MAGI2: variants seen among roughly 807,000 people sequenced by gnomAD.
The protein encoded by MAGI2 is membrane associated guanylate kinase, WW and PDZ domain containing 2, also known as membrane-associated guanylate kinase, WW and PDZ domain-containing protein 2.
MAGI2 carries 35 observed loss-of-function variants against 133.3 expected under a neutral mutation model. The ratio of observed to expected loss-of-function variants is 0.26; its 90% CI spans 0.20 to 0.35. The LOEUF is 0.35. MAGI2 is among the 10% of genes least tolerant of loss of function. The pLI, the probability that MAGI2 is intolerant of heterozygous loss-of-function variation, is 1.00. For missense variants in MAGI2, 1,636 were observed against 1,863.4 expected (o/e 0.88, Z 2.25); for synonymous variants, 729 against 710.6 (o/e 1.03, Z -0.41).
intron 9 of MAGI2, among the ~76,000 whole-genome samples, chr7:78,269,733 T>A (rs1038846135): frequency 6.6e-6 from 1 of 152,210 alleles, no homozygotes; most frequent in African/African-American, 2.4e-5. Context: ...CTGTTCACCC[T>A]GATGATAGTT....
At chr7:78,185,540 T>C (rs938073832) in intron 13 of MAGI2, 89 bp downstream of exon 13, 17 of 1,050,214 alleles carry the variant, frequency 1.6e-5, no homozygotes, top group Non-Finnish European at 2.1e-5. Context: ...GATTATATAC[T>C]AGGAAACTGA....
chr7:78,220,980 C>T (rs1388791042), intron 10 of MAGI2, among the ~76,000 whole-genome samples: 2 of 152,066 alleles, frequency 1.3e-5, no homozygotes, highest in African/African-American at 4.8e-5. Flanking sequence ...TGTGTTTACC[C>T]CTCCCACCTC....
chr7:78,842,315 C>T (rs1462014551), intron 2 of MAGI2, among the ~76,000 whole-genome samples: 1 of 151,916 alleles, frequency 6.6e-6, no homozygotes, highest in African/African-American at 2.4e-5. Context: ...AAGCCAAGTC[C>T]ACTCCTTGAA....
intron 4 of MAGI2, among the ~76,000 whole-genome samples, chr7:78,510,011 T>C (rs1795432068): frequency 6.6e-6 from 1 of 152,214 alleles, no homozygotes; most frequent in African/African-American, 2.4e-5. Context: ...AATCCAATAA[T>C]TTTTTCTCCT....
chr7:78,784,757 T>G (rs1375344136), intron 2 of MAGI2, among the ~76,000 whole-genome samples: 1 of 152,208 alleles, frequency 6.6e-6, no homozygotes, highest in Admixed American at 6.5e-5. Context: ...GATAGTTTTC[T>G]CTGTATATTT....
chr7:78,019,521 C>T lies in MAGI2; in HGVS notation c.4162G>A (p.Ala1388Thr). 2 of 980,454 alleles carry T rather than the reference C, an allele frequency of 2.0e-6. No individual in the cohort carries two copies. Among genetic ancestry groups the T allele is most frequent in the Non-Finnish European group, 2.4e-6 (2 of 828,256 alleles). The allele number at this position is 980,454 out of a possible 1,614,324, so 60.7% of individuals were successfully genotyped here. A position where few individuals can be genotyped will look rare whatever the true frequency, so the allele number is the denominator to read the frequency against. ...CRREGPGAAP[A>T]FAGPGGGGSG... ...CCGCCGCCGCCCGGGCCGGCAAACGCCGGCGCAGCCCCCGGGCCTTCGCGC... is the reference window on the plus strand; with the variant it reads ...CCGCCGCCGCCCGGGCCGGCAAACGTCGGCGCAGCCCCCGGGCCTTCGCGC... The change falls in exon 22 of 22, where the codon GCG becomes ACG. Residue 1388 changes from alanine to threonine, a missense_variant. Coordinates refer to ENST00000354212, the MANE Select transcript of MAGI2 (RefSeq NM_012301.4).
At chr7:78,920,064 T>A (rs1266830326) in intron 2 of MAGI2, among the ~76,000 whole-genome samples, 1 of 152,136 alleles carries the variant, frequency 6.6e-6, no homozygotes, top group Non-Finnish European at 1.5e-5. Context: ...GAACTTCCCA[T>A]CAAATTCAGA....
At chr7:78,168,427 G>C (rs1479414241) in intron 14 of MAGI2, among the ~76,000 whole-genome samples, 1 of 152,134 alleles carries the variant, frequency 6.6e-6, no homozygotes, top group Non-Finnish European at 1.5e-5. Flanking sequence ...TAAATATTTT[G>C]AACATGCTGC....
intron 1 of MAGI2, among the ~76,000 whole-genome samples, chr7:79,380,318 A>C (rs848942): frequency 0.5 from 75,780 of 151,544 alleles, 20,391 homozygotes; most frequent in African/African-American, 0.7. Context: ...TTCTTTTGAT[A>C]ACCGTTTTAC....
chr7:79,146,721 G>C (rs1030411503), intron 1 of MAGI2, among the ~76,000 whole-genome samples: 1 of 152,188 alleles, frequency 6.6e-6, no homozygotes, highest in African/African-American at 2.4e-5. Context: ...TGATTGTGAG[G>C]CCTCCCCATC....
chr7:78,487,063 C>G, intron 6 of MAGI2: 1 of 458,920 alleles, frequency 2.2e-6, no homozygotes, highest in Non-Finnish European at 4.3e-6. Context: ...GGCAGAGGGA[C>G]TTTTGATAGG....
intron 1 of MAGI2, among the ~76,000 whole-genome samples, chr7:79,071,850 T>A (rs541767299): frequency 3.0e-4 from 45 of 152,122 alleles, no homozygotes; most frequent in Admixed American, 5.9e-4. Context: ...CAGACTGCTG[T>A]GCTAGTAGCG....
intron 10 of MAGI2, among the ~76,000 whole-genome samples, chr7:78,237,219 T>A (rs1011091100): frequency 6.6e-6 from 1 of 152,148 alleles, no homozygotes; most frequent in Non-Finnish European, 1.5e-5. Flanking sequence ...ATAAAACAAA[T>A]AGATATATTC....
At chr7:79,359,335 T>A (rs1842224178) in intron 1 of MAGI2, among the ~76,000 whole-genome samples, 1 of 151,952 alleles carries the variant, frequency 6.6e-6, no homozygotes, top group Admixed American at 6.6e-5. Context: ...GAAAAATAGA[T>A]CCTTAGAAAC....
At chr7:78,642,655 T>A (rs925562594) in intron 2 of MAGI2, among the ~76,000 whole-genome samples, 12 of 152,256 alleles carry the variant, frequency 7.9e-5, no homozygotes, top group African/African-American at 2.7e-4. Flanking sequence ...GAAATTTTTT[T>A]ATGTATATAA....
At chr7:79,080,521 C>A (rs1443878220) in intron 1 of MAGI2, among the ~76,000 whole-genome samples, 2 of 152,012 alleles carry the variant, frequency 1.3e-5, no homozygotes, top group African/African-American at 4.8e-5. Flanking sequence ...TGTTTAAAGG[C>A]TTTCTTTTGG....
At position 78,813,027 on chromosome 7, in the gene MAGI2, G is replaced by A. The variant is rs117807488; in HGVS notation, c.419-185788C>T. On this transcript the variant is annotated intron_variant, in intron 2 of 21. Transcript: ENST00000354212. ...CACGTCCACCCTGTCTTTGAATGCAGCTATACAACTTAGACAGAATACATG... is the reference window on the plus strand; with the variant it reads ...CACGTCCACCCTGTCTTTGAATGCAACTATACAACTTAGACAGAATACATG... 7.8e-3 allele frequency among the ~76,000 whole-genome samples: 1,189 copies of A among 152,262 alleles called. 39 individuals are homozygous for A. The highest frequency in any genetic ancestry group is 0.051 in the Admixed American group (782 of 15,296).
chr7:79,185,470 C>CT (rs1293404007), intron 1 of MAGI2, among the ~76,000 whole-genome samples: 1 of 150,144 alleles, frequency 6.7e-6, no homozygotes, highest in East Asian at 2.0e-4. Flanking sequence ...CAAGCTCCAG[C>CT]TTTCTTTTAA....
chr7:78,984,708 C>T (rs2116231800), intron 2 of MAGI2, among the ~76,000 whole-genome samples: 1 of 152,020 alleles, frequency 6.6e-6, no homozygotes, highest in African/African-American at 2.4e-5. Flanking sequence ...CCCACACTAC[C>T]CCACCCACAC....
Sources: allele counts gnomAD v4.1 joint callset (sites outside exome capture counted in the v4.1 genomes callset), GRCh38; gene constraint gnomAD v4.1.1; transcripts MANE v1.5; gene names NCBI Gene and HGNC (gene_info 2026-07-23, HGNC 2026-07-21).